ROBO2: variants seen among roughly 807,000 people sequenced by gnomAD.
ROBO2 encodes roundabout guidance receptor 2, also known as roundabout homolog 2.
ROBO2 carries 53 observed loss-of-function variants against 160.8 expected under a neutral mutation model. The observed-to-expected ratio is 0.33, with a 90% confidence interval of 0.26 to 0.41. The LOEUF (loss-of-function observed/expected upper bound fraction) is 0.41. ROBO2 is among the 10% of genes least tolerant of loss of function. ROBO2 has a pLI of 1.00. For synonymous variants in ROBO2, 664 were observed against 611.7 expected (o/e 1.09, Z -1.26); for missense variants, 1,577 against 1,722.4 (o/e 0.92, Z 1.49).
intron 2 of ROBO2, among the ~76,000 whole-genome samples, chr3:76,156,430 A>G (rs902509697): frequency 3.9e-5 from 6 of 152,214 alleles, no homozygotes; most frequent in Non-Finnish European, 7.3e-5. Context: ...TGGACTCCTC[A>G]TTACACAGGT....
intron 2 of ROBO2, among the ~76,000 whole-genome samples, chr3:76,597,703 C>T (rs569811503): frequency 2.6e-5 from 4 of 152,184 alleles, no homozygotes; most frequent in African/African-American, 7.2e-5. Context: ...CCACCCTCCC[C>T]GCTTAAGCAG....
At chr3:76,753,629 G>C (rs145065527) in intron 2 of ROBO2, among the ~76,000 whole-genome samples, 1 of 151,756 alleles carries the variant, frequency 6.6e-6, no homozygotes, top group Non-Finnish European at 1.5e-5. Flanking sequence ...CTTCATATGC[G>C]ATTTATAGCA....
At chr3:76,752,530 A>G (rs908855389) in intron 2 of ROBO2, among the ~76,000 whole-genome samples, 2 of 151,840 alleles carry the variant, frequency 1.3e-5, no homozygotes, top group Admixed American at 1.3e-4. Context: ...TTAGTCCAGA[A>G]GTGTTCAAGA....
At chr3:76,572,514 C>T (rs1011957236) in intron 2 of ROBO2, among the ~76,000 whole-genome samples, 1 of 152,124 alleles carries the variant, frequency 6.6e-6, no homozygotes, top group African/African-American at 2.4e-5. Context: ...AGTCAAAATG[C>T]TATTTACTTG....
chr3:76,643,334 T>A (rs2109748317), intron 2 of ROBO2, among the ~76,000 whole-genome samples: 1 of 152,300 alleles, frequency 6.6e-6, no homozygotes, highest in Middle Eastern at 3.4e-3. Flanking sequence ...GTATACATTA[T>A]GATAGTTACA....
chr3:77,382,281 T>TA (rs1208076339), intron 2 of ROBO2, among the ~76,000 whole-genome samples: 3 of 151,152 alleles, frequency 2.0e-5, no homozygotes, highest in Admixed American at 1.3e-4. Context: ...ATAGGCCCTG[T>TA]AAAAAACACC....
chr3:76,141,159 C>CTCTCTCTCTATATA (rs1364431015), intron 2 of ROBO2, among the ~76,000 whole-genome samples: 2 of 9,176 alleles, frequency 2.2e-4, no homozygotes, highest in African/African-American at 8.6e-4. Context: ...CTCTCTCTCT[C>CTCTCTCTCTATATA]TATATATATA....
At chr3:76,456,050 A>G (rs1319189451) in intron 2 of ROBO2, among the ~76,000 whole-genome samples, 1 of 152,184 alleles carries the variant, frequency 6.6e-6, no homozygotes, top group Non-Finnish European at 1.5e-5. Flanking sequence ...TGTTTAGACT[A>G]CATACAAGTT....
chr3:76,902,671 T>C lies in ROBO2; in HGVS notation c.110-195343T>C, dbSNP rs2075317936. On this transcript the variant is annotated intron_variant, in intron 2 of 26. Transcript: ENST00000487694. ...ACATTTTCCCTGTTGCAAATTTTAT[T>C]TTTCATTGCTTATTGCAAGAGTAAA... Among the ~76,000 whole-genome samples, 3 of 151,360 alleles carry C rather than the reference T, an allele frequency of 2.0e-5. No individual in the cohort carries two copies. In the South Asian group the frequency reaches 6.2e-4, roughly 31 times the overall value.
intron 2 of ROBO2, among the ~76,000 whole-genome samples, chr3:76,217,992 G>A (rs138386863): frequency 1.4e-4 from 21 of 152,294 alleles, no homozygotes; most frequent in African/African-American, 4.6e-4. Flanking sequence ...TCCTTGGGAT[G>A]CAAGGCTGGT....
chr3:76,113,328 A>G (rs899292751), intron 2 of ROBO2, among the ~76,000 whole-genome samples: 4 of 152,072 alleles, frequency 2.6e-5, no homozygotes, highest in Non-Finnish European at 5.9e-5. Flanking sequence ...AATTACTATA[A>G]AAATCTGAAT....
intron 2 of ROBO2, among the ~76,000 whole-genome samples, chr3:77,474,627 T>C (rs552206950): frequency 1.3e-5 from 2 of 150,832 alleles, no homozygotes; most frequent in African/African-American, 4.9e-5. Context: ...TAGTTTTCAG[T>C]TCTTTCTAGG....
rs577457990 is a variant in ROBO2, at chr3:77,248,719, G to A, written c.388+150379G>A. On this transcript the variant is annotated intron_variant, in intron 2 of 25. Coordinates refer to ENST00000461745, the Ensembl canonical transcript of ROBO2. ...AGGGCCTGTGAGGTCCAGGGCCTGT[G>A]CGCTCCAGTTCCCGCCCACGAAGGG... is the stretch of plus-strand genomic sequence containing the variant. Among the ~76,000 whole-genome samples, 5 of 152,000 alleles carry A rather than the reference G, an allele frequency of 3.3e-5. No individual in the cohort carries two copies. In the South Asian group the frequency reaches 6.2e-4, roughly 19 times the overall value.
intron 2 of ROBO2, among the ~76,000 whole-genome samples, chr3:77,313,714 A>G (rs529685192): frequency 6.6e-6 from 1 of 152,158 alleles, no homozygotes; most frequent in Non-Finnish European, 1.5e-5. Context: ...CCTCCCGAGT[A>G]GTTAGGATTA....
intron 2 of ROBO2, among the ~76,000 whole-genome samples, chr3:76,325,173 C>G (rs1217783656): frequency 1.3e-5 from 2 of 152,190 alleles, no homozygotes; most frequent in African/African-American, 4.8e-5. Context: ...TTTTTAAATG[C>G]AACATTTTAT....
In ROBO2 at chr3:77,305,761, A is replaced by G. The variant is rs72895197; in HGVS notation, c.389-171653A>G. 3.3e-5 allele frequency among the ~76,000 whole-genome samples: 5 copies of G among 152,298 alleles called. 1 individual carries two copies. The highest frequency in any genetic ancestry group is 1.2e-4 in the African/African-American group (5 of 41,536). ...CAAAAAAATCTTTGAATTTTGAAAA[A>G]TAATCAGACTTCTTTCATGGGACAA... On this transcript the variant is annotated intron_variant, in intron 2 of 25. Transcript: ENST00000461745.
chr3:76,715,894 G>A (rs913503780), intron 2 of ROBO2, among the ~76,000 whole-genome samples: 1 of 151,908 alleles, frequency 6.6e-6, no homozygotes, highest in Non-Finnish European at 1.5e-5. Context: ...TACAACAAAG[G>A]GGACACATAT....
At chr3:76,538,685 CTG>C (rs1255473265) in intron 2 of ROBO2, among the ~76,000 whole-genome samples, 1 of 152,178 alleles carries the variant, frequency 6.6e-6, no homozygotes, top group Non-Finnish European at 1.5e-5. Flanking sequence ...AAACCCGTCA[CTG>C]TGTTATTGAG....
intron 2 of ROBO2, among the ~76,000 whole-genome samples, chr3:77,196,032 C>A (rs1030093622): frequency 5.3e-5 from 8 of 152,156 alleles, no homozygotes; most frequent in African/African-American, 1.9e-4. Flanking sequence ...TAGGGGGCAT[C>A]ATCTGCTGTT....
Sources: allele counts gnomAD v4.1 joint callset (sites outside exome capture counted in the v4.1 genomes callset), GRCh38; gene constraint gnomAD v4.1.1; transcripts MANE v1.5; gene names NCBI Gene and HGNC (gene_info 2026-07-23, HGNC 2026-07-21).